Variants in TDRD9 observed in about 807,000 individuals in gnomAD.
TDRD9 encodes ATP-dependent RNA helicase TDRD9.
A neutral mutation model predicts 172.6 loss-of-function variants in TDRD9; 124 were observed. The observed-to-expected ratio is 0.72, with a 90% confidence interval of 0.62 to 0.83. The LOEUF is 0.83. TDRD9 is among the 40% of genes least tolerant of loss of function. The probability of loss-of-function intolerance (pLI) is 0.00; values close to 1 mark genes in which losing one functional copy is unlikely to be tolerated. For synonymous variants in TDRD9, 619 were observed against 617.1 expected, an observed-to-expected ratio of 1.00 and a Z score of -0.05; for missense variants, 1,479 against 1,714.1, an observed-to-expected ratio of 0.86 and a Z score of 2.42.
intron 30 of TDRD9, 101 bp downstream of exon 30, chr14:104,032,188 G>A (rs1385082617): frequency 1.4e-6 from 1 of 730,916 alleles, no homozygotes; most frequent in Non-Finnish European, 2.2e-6. Flanking sequence ...CTGTTGGAAT[G>A]TGTTATCTTT....
At chr14:104,023,041 G>T (rs1203619968) in intron 24 of TDRD9, among the ~76,000 whole-genome samples, 3 of 151,822 alleles carry the variant, frequency 2.0e-5, no homozygotes, top group Non-Finnish European at 2.9e-5. Context: ...AATTAGCCGG[G>T]TGTGGTGGCG....
intron 1 of TDRD9, among the ~76,000 whole-genome samples, chr14:103,930,308 C>T (rs2030295078): frequency 6.6e-6 from 1 of 152,100 alleles, no homozygotes; most frequent in South Asian, 2.1e-4. Flanking sequence ...CTGCCTTGGC[C>T]TCCCGAGTAG....
Position 103,991,148 on chromosome 14 carries a change from C to T in TDRD9, c.1116-12C>T, listed in dbSNP as rs2033847333. 3 of 1,613,836 alleles carry T rather than the reference C, an allele frequency of 1.9e-6. No homozygotes were observed. Among genetic ancestry groups the T allele is most frequent in the South Asian group, 1.1e-5 (1 of 91,088 alleles). ...CCTTCATTAATATTTGTGCACATCACATTTTTAACAGGAACAAGGCTTGGT... is the reference window on the plus strand; with the variant it reads ...CCTTCATTAATATTTGTGCACATCATATTTTTAACAGGAACAAGGCTTGGT... On this transcript the variant is annotated splice_polypyrimidine_tract_variant and intron_variant, in intron 8 of 35. Coordinates refer to ENST00000409874, the MANE Select transcript of TDRD9 (RefSeq NM_153046.3).
chr14:104,003,397 A>G (rs368016308), intron 13 of TDRD9, among the ~76,000 whole-genome samples: 3 of 152,226 alleles, frequency 2.0e-5, no homozygotes, highest in East Asian at 3.9e-4. Flanking sequence ...TTGTTAATCC[A>G]TAATCAGTCA....
intron 5 of TDRD9, among the ~76,000 whole-genome samples, chr14:103,967,188 G>C (rs2032785514): frequency 6.6e-6 from 1 of 151,828 alleles, no homozygotes; most frequent in Non-Finnish European, 1.5e-5. Flanking sequence ...TGTGAGACAA[G>C]GGTAGGGTGT....
chr14:104,024,677 A>G lies in TDRD9; in HGVS notation c.2715A>G (p.Thr905=), dbSNP rs1280560403. 1 of 1,578,554 alleles carries G rather than the reference A, an allele frequency of 6.3e-7. No individual in the cohort carries two copies. Among genetic ancestry groups the G allele is most frequent in the Non-Finnish European group, 8.7e-7 (1 of 1,149,898 alleles). The change falls in exon 25 of 36, where the codon ACA becomes ACG. Residue 905 remains threonine, a synonymous_variant. Coordinates refer to ENST00000409874, the MANE Select transcript of TDRD9 (RefSeq NM_153046.3). ...VTDLLLTIDV[T]EVVEVGHFWG... ...ATCTCCTTCTAACTATTGATGTCAC[A>G]GAGGTAAGGATGAAGTAATTGAGCT...
chr14:104,006,040 T>A (rs1243506201), intron 15 of TDRD9, among the ~76,000 whole-genome samples: 1 of 152,190 alleles, frequency 6.6e-6, no homozygotes, highest in Non-Finnish European at 1.5e-5. Context: ...AGGAAGTTTT[T>A]CCCCATACAT....
intron 2 of TDRD9, among the ~76,000 whole-genome samples, chr14:103,961,095 G>A (rs1452605596): frequency 1.3e-5 from 2 of 152,110 alleles, no homozygotes; most frequent in Non-Finnish European, 2.9e-5. Context: ...GTTCACAAGG[G>A]CCATGGGGAT....
chr14:104,051,833 A>G, intron 35 of TDRD9, 148 bp from the exon 36 acceptor site: 3 of 541,090 alleles, frequency 5.5e-6, no homozygotes, highest in East Asian at 6.3e-5. Flanking sequence ...AACCTATAGT[A>G]TGAAGTGTGA....
At chr14:104,051,176 A>G (rs1268367355) in intron 35 of TDRD9, among the ~76,000 whole-genome samples, 2 of 152,052 alleles carry the variant, frequency 1.3e-5, no homozygotes, top group Non-Finnish European at 2.9e-5. Flanking sequence ...ATGAGTACTC[A>G]ATGTTTAGCT....
chr14:103,933,035 T>C (rs1377232792), intron 1 of TDRD9, among the ~76,000 whole-genome samples: 1 of 152,224 alleles, frequency 6.6e-6, no homozygotes, highest in African/African-American at 2.4e-5. Flanking sequence ...TTACTCACGA[T>C]GAAGGTGTTG....
intron 9 of TDRD9, 94 bp from the exon 10 acceptor site, chr14:103,994,238 T>G: frequency 9.1e-7 from 1 of 1,098,056 alleles, no homozygotes; most frequent in South Asian, 1.3e-5. Flanking sequence ...TGGTAGGGCC[T>G]TCTTTGAAAG....
In TDRD9 at chr14:104,018,154, G is replaced by A. The variant is rs749085910; in HGVS notation, c.2394G>A (p.Gln798=). 7 of 1,607,542 alleles carry A rather than the reference G, an allele frequency of 4.4e-6. No homozygotes were observed. In the East Asian group the frequency reaches 1.3e-4, roughly 31 times the overall value. Residue 798 remains glutamine, a synonymous_variant, in exon 23 of 36, where the codon CAG becomes CAA. Transcript: ENST00000409874. The part of the protein sequence containing the change: ...YYKQLQSLFR[Q]CGQVKSIVFD... ...AACAACTACAGTCTCTCTTTAGACA[G>A]TGTGGTCAAGTCAAATCCATTGTAT... is the stretch of plus-strand genomic sequence containing the variant.
chr14:103,940,116 A>G (rs1329315226), intron 1 of TDRD9, among the ~76,000 whole-genome samples: 2 of 152,126 alleles, frequency 1.3e-5, no homozygotes, highest in African/African-American at 2.4e-5. Context: ...ATATTTTGCT[A>G]TTTCACCAGA....
rs1193738904 is a variant in TDRD9 at position 103,994,370 on chromosome 14, A to G, written c.1219A>G (p.Ser407Gly). 6.2e-7 allele frequency: 1 copy of G among 1,613,734 alleles called. No individual in the cohort carries two copies. The highest frequency in any genetic ancestry group is 1.7e-5 in the Admixed American group (1 of 60,032). Residue 407 changes from serine to glycine, a missense_variant, in exon 10 of 36, where the codon AGC becomes GGC. Around this residue, in one of 3 missense-constraint regions of TDRD9, gnomAD observed 1,413 missense variants for 1,649.1 expected, o/e 0.86. Coordinates refer to ENST00000409874, the MANE Select transcript of TDRD9 (RefSeq NM_153046.3). ...EINYMHELLT[S>G]LVHKRLQVYP... ...AAATTATATGCATGAACTTCTCACA[A>G]GCCTGGTTCATAAAAGGTATGTTGA...
At chr14:103,998,838 G>A in intron 13 of TDRD9, 110 bp downstream of exon 13, 3 of 615,270 alleles carry the variant, frequency 4.9e-6, no homozygotes, top group East Asian at 5.6e-5. Context: ...TGTCGCCCAG[G>A]CTGGAAGGCA....
chr14:103,941,284 A>C, intron 1 of TDRD9: 2 of 873,496 alleles, frequency 2.3e-6, no homozygotes, highest in South Asian at 2.3e-5. Flanking sequence ...ATTGCTCACC[A>C]GACATCTACA....
chr14:104,009,604 A>AT, intron 20 of TDRD9, among the ~76,000 whole-genome samples: 1 of 152,226 alleles, frequency 6.6e-6, no homozygotes, highest in Non-Finnish European at 1.5e-5. Context: ...TTTTTAAAAA[A>AT]TTAATTGTAG....
Position 103,994,308 on chromosome 14 carries a change from C to T in TDRD9, c.1181-24C>T, listed in dbSNP as rs149353283. The T allele has an allele frequency of 2.4e-5, 38 of 1,605,546 alleles. No individual in the cohort carries two copies. The African/African-American group carries it at 4.1e-4, about 18-fold the overall frequency. ...AGTAAATACAAACATGTTTATTTCC[C>T]TCCTCCACTTTTTTCTTCCCTAGGT... On this transcript the variant is annotated intron_variant, in intron 9 of 35. Coordinates refer to ENST00000409874, the MANE Select transcript of TDRD9 (RefSeq NM_153046.3).
Sources: gnomAD v4.1 joint callset for allele counts (sites outside exome capture counted in the v4.1 genomes callset) on GRCh38, gnomAD v4.1.1 for gene constraint, gnomAD v4.1.1 regional missense constraint, MANE v1.5 for transcripts, NCBI Gene and HGNC (gene_info 2026-07-23, HGNC 2026-07-21) for gene names.